Variants in GRID1 observed in about 807,000 individuals in gnomAD.
The protein encoded by GRID1 is glutamate receptor ionotropic, delta-1.
GRID1 carries 28 observed loss-of-function variants against 98.0 expected under a neutral mutation model. That is an observed-to-expected ratio of 0.29 (90% CI 0.21 to 0.39). The LOEUF is 0.39. Ranked by LOEUF, GRID1 falls within the 10% of genes least tolerant of loss-of-function variation. The probability of loss-of-function intolerance (pLI) is 1.00; values close to 1 mark genes in which losing one functional copy is unlikely to be tolerated. For synonymous variants in GRID1, 553 were observed against 538.5 expected (o/e 1.03, Z -0.37); for missense variants, 1,111 against 1,340.5 (o/e 0.83, Z 2.67).
intron 2 of GRID1, among the ~76,000 whole-genome samples, chr10:86,294,217 A>C (rs1182513230): frequency 1.3e-5 from 2 of 152,174 alleles, no homozygotes; most frequent in African/African-American, 2.4e-5. Context: ...GTTCTGGTGA[A>C]GGCAAGGAGA....
In GRID1 at chr10:85,791,453, C is replaced by T. The variant is rs193254095; in HGVS notation, c.1234-61839G>A. Among the ~76,000 whole-genome samples the T allele has an allele frequency of 2.8e-3, 423 of 152,318 alleles. 2 individuals are homozygous for T. The highest frequency in any genetic ancestry group is 5.0e-3 in the Non-Finnish European group (343 of 68,032). On this transcript the variant is annotated intron_variant, in intron 8 of 15. Transcript: ENST00000327946. ...CAAAAACTTGGAAAGAGAGAACTCA[C>T]CAATTCTCACAGAAGCCAAGGACGG...
At chr10:85,973,810 C>T (rs1842437432) in intron 4 of GRID1, among the ~76,000 whole-genome samples, 1 of 152,158 alleles carries the variant, frequency 6.6e-6, no homozygotes, top group Non-Finnish European at 1.5e-5. Flanking sequence ...TCTCTTATTT[C>T]TTTCAATGAA....
chr10:86,083,842 T>G (rs1054571913), intron 4 of GRID1, among the ~76,000 whole-genome samples: 7 of 152,192 alleles, frequency 4.6e-5, no homozygotes, highest in African/African-American at 1.7e-4. Flanking sequence ...CAAACTCCAG[T>G]TCAGCTCGTA....
At chr10:86,203,598 C>A in intron 3 of GRID1, among the ~76,000 whole-genome samples, 1 of 151,422 alleles carries the variant, frequency 6.6e-6, no homozygotes, top group Non-Finnish European at 1.5e-5. Flanking sequence ...ATCAGGAGGC[C>A]GATGACCAGG....
intron 4 of GRID1, among the ~76,000 whole-genome samples, chr10:85,978,873 A>G (rs752426226): frequency 6.6e-6 from 1 of 152,216 alleles, no homozygotes; most frequent in Non-Finnish European, 1.5e-5. Context: ...GAACGCTTAC[A>G]GTAACCCTCC....
chr10:85,963,620 G>A (rs368761186), intron 4 of GRID1, among the ~76,000 whole-genome samples: 38 of 152,198 alleles, frequency 2.5e-4, no homozygotes, highest in African/African-American at 8.4e-4. Context: ...AAATCCGTGG[G>A]GTTATTTCAT....
At chr10:86,054,330 G>T (rs1449009869) in intron 4 of GRID1, among the ~76,000 whole-genome samples, 3 of 152,160 alleles carry the variant, frequency 2.0e-5, no homozygotes, top group Admixed American at 2.0e-4. Context: ...GAAATTCCTG[G>T]AAGGGAGTCA....
intron 8 of GRID1, among the ~76,000 whole-genome samples, chr10:85,845,044 T>C (rs927568338): frequency 6.6e-6 from 1 of 151,778 alleles, no homozygotes; most frequent in African/African-American, 2.4e-5. Flanking sequence ...AATAAAGATG[T>C]CCACTGTTAT....
rs1160037934 is a variant in GRID1, at chr10:85,613,613, C to T, written c.2395G>A (p.Val799Met). Residue 799 changes from valine to methionine, a missense_variant, in exon 15 of 16, where the codon GTG becomes ATG. This residue lies in a region of GRID1 where 762 missense variants were observed against 869.1 expected (regional missense o/e 0.88). Transcript: ENST00000327946. ...TGCGGCCACCACTTCTGCTTCAGCA[C>T]ATCCAGGTCCCCTGTGTCCTGCAGC... The part of the protein sequence containing the change: ...LELQDTGDLD[V>M]LKQKWWPHMG... The T allele has an allele frequency of 1.2e-6, 2 of 1,614,058 alleles. No individual in the cohort carries two copies. Among genetic ancestry groups the T allele is most frequent in the Admixed American group, 1.7e-5 (1 of 60,008 alleles).
At chr10:86,032,992 T>A (rs1210538346) in intron 4 of GRID1, among the ~76,000 whole-genome samples, 1 of 151,480 alleles carries the variant, frequency 6.6e-6, no homozygotes, top group Non-Finnish European at 1.5e-5. Flanking sequence ...TAAATAAATA[T>A]CTGTGAGAGG....
At chr10:86,147,799 A>G (rs1845109623) in intron 3 of GRID1, among the ~76,000 whole-genome samples, 1 of 152,224 alleles carries the variant, frequency 6.6e-6, no homozygotes, top group South Asian at 2.1e-4. Flanking sequence ...TCCAGAGCCC[A>G]GAACCCCGAC....
chr10:85,867,581 G>T (rs887196121), intron 6 of GRID1, among the ~76,000 whole-genome samples: 1 of 152,238 alleles, frequency 6.6e-6, no homozygotes, highest in Non-Finnish European at 1.5e-5. Context: ...AACTTACTTG[G>T]CCTTCGCCAT....
chr10:85,913,432 G>A (rs1462805614), intron 5 of GRID1, among the ~76,000 whole-genome samples: 1 of 152,226 alleles, frequency 6.6e-6, no homozygotes, highest in Non-Finnish European at 1.5e-5. Flanking sequence ...ACACAGGGCT[G>A]TTGATGAGGA....
intron 4 of GRID1, among the ~76,000 whole-genome samples, chr10:85,970,636 C>G (rs1323022335): frequency 1.3e-5 from 2 of 151,708 alleles, no homozygotes; most frequent in African/African-American, 4.9e-5. Context: ...TGATTAAAAA[C>G]AACAACAACA....
chr10:85,975,324 C>T (rs1284197042), intron 4 of GRID1, among the ~76,000 whole-genome samples: 1 of 152,204 alleles, frequency 6.6e-6, no homozygotes, highest in Non-Finnish European at 1.5e-5. Context: ...GTGGACAGGG[C>T]TTGCGCAGCC....
chr10:85,862,787 A>G (rs1278700246), intron 6 of GRID1, among the ~76,000 whole-genome samples: 2 of 152,214 alleles, frequency 1.3e-5, no homozygotes, highest in East Asian at 1.9e-4. Context: ...TATTTTATTT[A>G]GGAAAATACC....
In GRID1 at chr10:85,819,231, G is replaced by A. The variant is rs564188613; in HGVS notation, c.1233+35265C>T. On this transcript the variant is annotated intron_variant, in intron 8 of 15. Transcript: ENST00000327946. ...GCAACAATTGCTGCATGCAGGATTCGCTGATAAACGCTAAAATTAGTGGGA... is the reference window on the plus strand; with the variant it reads ...GCAACAATTGCTGCATGCAGGATTCACTGATAAACGCTAAAATTAGTGGGA... 4.7e-4 allele frequency among the ~76,000 whole-genome samples: 72 copies of A among 152,232 alleles called. No individual in the cohort carries two copies. In the South Asian group the frequency reaches 6.6e-3, roughly 14 times the overall value.
At chr10:85,926,641 G>T (rs576996064) in intron 4 of GRID1, among the ~76,000 whole-genome samples, 31 of 152,142 alleles carry the variant, frequency 2.0e-4, no homozygotes, top group African/African-American at 7.0e-4. Flanking sequence ...CCTGCCCAAC[G>T]CCCACCCCAT....
intron 3 of GRID1, among the ~76,000 whole-genome samples, chr10:86,155,805 C>G (rs1328057338): frequency 6.6e-6 from 1 of 152,188 alleles, no homozygotes; most frequent in African/African-American, 2.4e-5. Context: ...TCATGAATCT[C>G]TAGCCGGGGC....
Sources: allele counts gnomAD v4.1 joint callset (sites outside exome capture counted in the v4.1 genomes callset), GRCh38; gene constraint gnomAD v4.1.1; regional missense constraint gnomAD v4.1.1; transcripts MANE v1.5; gene names NCBI Gene and HGNC (gene_info 2026-07-23, HGNC 2026-07-21).